The following TTBK2 variants were observed in gnomAD, a reference collection of about 807,000 sequenced individuals.
TTBK2 encodes tau tubulin kinase 2.
A neutral mutation model predicts 110.8 loss-of-function variants in TTBK2; 28 were observed. The ratio of observed to expected loss-of-function variants is 0.25; its 90% CI spans 0.19 to 0.35. The LOEUF (loss-of-function observed/expected upper bound fraction) is 0.35, where lower values mean the gene tolerates loss of function less well. Among genes scored for constraint, TTBK2 ranks in the 10% least tolerant of loss-of-function variants. The pLI is 1.00. For synonymous variants in TTBK2, 532 were observed against 527.3 expected, an observed-to-expected ratio of 1.01 and a Z score of -0.12; for missense variants, 1,369 against 1,500.3, an observed-to-expected ratio of 0.91 and a Z score of 1.45.
intron 7 of TTBK2, 89 bp from the exon 8 acceptor site, chr15:42,811,869 T>C: frequency 1.7e-6 from 2 of 1,156,908 alleles, no homozygotes; most frequent in Non-Finnish European, 1.3e-6. Context: ...TGTTTCACCT[T>C]ATTAGGCTAA....
intron 1 of TTBK2, among the ~76,000 whole-genome samples, chr15:42,901,340 C>T (rs920142192): frequency 8.7e-5 from 13 of 149,782 alleles, no homozygotes; most frequent in Non-Finnish European, 7.4e-5. Flanking sequence ...CCAGCCTGGG[C>T]GACAGAGCAA....
chr15:42,916,865 A>G (rs1224059222), intron 1 of TTBK2, among the ~76,000 whole-genome samples: 1 of 152,198 alleles, frequency 6.6e-6, no homozygotes, highest in African/African-American at 2.4e-5. Context: ...AGAAAAAGAC[A>G]AATATAAAAA....
intron 1 of TTBK2, among the ~76,000 whole-genome samples, chr15:42,889,680 C>T (rs1453581431): frequency 4.6e-5 from 7 of 152,162 alleles, no homozygotes; most frequent in Admixed American, 6.5e-5. Context: ...TTGTATCTTC[C>T]GTTTAGTTTC....
chr15:42,749,499 G>T (rs1424721586), intron 14 of TTBK2, among the ~76,000 whole-genome samples: 1 of 152,210 alleles, frequency 6.6e-6, no homozygotes, highest in Non-Finnish European at 1.5e-5. Context: ...ACTTATTTCT[G>T]GAGCAGTGTG....
intron 4 of TTBK2, among the ~76,000 whole-genome samples, chr15:42,833,960 G>A (rs1381996766): frequency 1.3e-5 from 2 of 152,006 alleles, no homozygotes; most frequent in Non-Finnish European, 2.9e-5. Flanking sequence ...GCAGTGAGCC[G>A]AGATCACGCC....
chr15:42,759,356 AC>A (rs2061991193), intron 13 of TTBK2, among the ~76,000 whole-genome samples: 1 of 151,934 alleles, frequency 6.6e-6, no homozygotes, highest in Non-Finnish European at 1.5e-5. Context: ...TGGCAGATAC[AC>A]CCCCAGGCCA....
At chr15:42,850,815 AC>A (rs551121803) in intron 3 of TTBK2, among the ~76,000 whole-genome samples, 157 of 152,192 alleles carry the variant, frequency 1.0e-3, no homozygotes, top group Middle Eastern at 0.01. Context: ...TGACCTGTGG[AC>A]TTTTATAAAT....
chr15:42,814,994 T>C (rs1236841678), intron 7 of TTBK2, among the ~76,000 whole-genome samples: 3 of 152,220 alleles, frequency 2.0e-5, no homozygotes, highest in Admixed American at 6.5e-5. Context: ...ATAATCTCTA[T>C]TAGCTATTTT....
chr15:42,808,574 T>A (rs2140919220), intron 9 of TTBK2, among the ~76,000 whole-genome samples: 1 of 152,120 alleles, frequency 6.6e-6, no homozygotes, highest in South Asian at 2.1e-4. Context: ...AAAGACCAGG[T>A]ATGGTGGCTT....
At chr15:42,772,417 AT>A (rs1471020581) in intron 13 of TTBK2, among the ~76,000 whole-genome samples, 7 of 152,208 alleles carry the variant, frequency 4.6e-5, no homozygotes, top group African/African-American at 1.7e-4. Context: ...TTTTAAATTG[AT>A]TTTAACCCTG....
intron 1 of TTBK2, among the ~76,000 whole-genome samples, chr15:42,904,911 G>A (rs1006429976): frequency 6.6e-6 from 1 of 150,440 alleles, no homozygotes; most frequent in African/African-American, 2.5e-5. Context: ...TTACTCTGTC[G>A]CCCAAGCTGT....
At chr15:42,872,902 A>T (rs1397400344) in intron 2 of TTBK2, 144 bp from the exon 3 acceptor site, 4 of 1,038,084 alleles carry the variant, frequency 3.9e-6, no homozygotes, top group Admixed American at 2.8e-5. Context: ...TTAACTATGT[A>T]TATGCCAAGA....
At position 42,745,786 on chromosome 15, in the gene TTBK2, G is replaced by A. The variant is rs771731759; in HGVS notation, c.*9C>T. On this transcript the variant is annotated 3_prime_UTR_variant, in exon 15 of 15. Transcript: ENST00000267890. ...ATCTCACACCTTTCAAAGAGATGCA[G>A]CCTGGCTCCTATCTGCTGAGTTTAC... 1.2e-6 allele frequency: 2 copies of A among 1,613,824 alleles called. No individual in the cohort carries two copies. Among genetic ancestry groups the A allele is most frequent in the African/African-American group, 2.7e-5 (2 of 75,044 alleles).
chr15:42,851,550 T>C (rs1893713107), intron 3 of TTBK2, among the ~76,000 whole-genome samples: 1 of 152,072 alleles, frequency 6.6e-6, no homozygotes, highest in African/African-American at 2.4e-5. Flanking sequence ...ACACAGTGAG[T>C]TGCAGAACAG....
chr15:42,815,939 T>A (rs1567040436), intron 7 of TTBK2, among the ~76,000 whole-genome samples: 23 of 27,404 alleles, frequency 8.4e-4, no homozygotes, highest in African/African-American at 2.8e-3. Context: ...AAAATATATA[T>A]ATATATATTT....
intron 9 of TTBK2, chr15:42,801,301 G>A (rs771505038): frequency 1.2e-5 from 19 of 1,532,786 alleles, no homozygotes; most frequent in Non-Finnish European, 1.4e-5. Context: ...TGGTACTCAC[G>A]CAGCTGCCGC....
chr15:42,865,510 T>C (rs1170717489), intron 3 of TTBK2, among the ~76,000 whole-genome samples: 1 of 105,952 alleles, frequency 9.4e-6, no homozygotes, highest in African/African-American at 5.4e-5. Context: ...AAAATAATAA[T>C]ACTAAAAAAA....
In TTBK2 at chr15:42,753,120, T is replaced by C; in HGVS notation, c.2126A>G (p.Glu709Gly). 1 of 1,595,972 alleles carries C rather than the reference T, an allele frequency of 6.3e-7. No homozygotes were observed. Among genetic ancestry groups the C allele is most frequent in the Non-Finnish European group, 8.5e-7 (1 of 1,173,224 alleles). The change falls in exon 14 of 15, where the codon GAA (glutamate) becomes GGA (glycine). Residue 709 changes from glutamate to glycine, a missense_variant. Glu to Gly is a moderately conservative substitution (Grantham distance 98). Coordinates refer to ENST00000267890, the MANE Select transcript of TTBK2 (RefSeq NM_173500.4). ...TGTCACAACCAAGCCAGAGAAGTTT[T>C]CCCTTGGAGAGTAAAGTTCCACAGT... ...EPTVELYSPRENFSGLVVTEG... is the reference protein window; with the variant it reads ...EPTVELYSPRGNFSGLVVTEG...
At chr15:42,839,480 G>T (rs1325990558) in intron 4 of TTBK2, among the ~76,000 whole-genome samples, 1 of 152,150 alleles carries the variant, frequency 6.6e-6, no homozygotes, top group Non-Finnish European at 1.5e-5. Context: ...GGGATTGCTA[G>T]GTTGAATGGT....
Sources: allele counts gnomAD v4.1 joint callset (sites outside exome capture counted in the v4.1 genomes callset), GRCh38; gene constraint gnomAD v4.1.1; transcripts MANE v1.5; gene names NCBI Gene and HGNC (gene_info 2026-07-23, HGNC 2026-07-21).